Variants in GAREM2 observed in about 807,000 individuals in gnomAD.
GAREM2 encodes GRB2-associated and regulator of MAPK protein 2.
Under a neutral mutation model 55.6 loss-of-function variants are expected in GAREM2, and 30 were observed. That is an observed-to-expected ratio of 0.54 (90% CI 0.40 to 0.73). The LOEUF is 0.73. Ranked by LOEUF, GAREM2 falls within the 30% of genes least tolerant of loss-of-function variation. GAREM2 has a pLI of 0.00. For missense variants in GAREM2, 1,075 were observed against 1,257.7 expected, an observed-to-expected ratio of 0.85 and a Z score of 2.20; for synonymous variants, 550 against 569.1, an observed-to-expected ratio of 0.97 and a Z score of 0.48.
At chr2:26,174,209 A>G (rs1668788375) in intron 1 of GAREM2, among the ~76,000 whole-genome samples, 1 of 152,170 alleles carries the variant, frequency 6.6e-6, no homozygotes, top group Non-Finnish European at 1.5e-5. Flanking sequence ...GGGGCCCGGC[A>G]GCCCCTCCTC....
chr2:26,203,943 A>G, the GAREM2 span: 1 of 1,008,858 alleles, frequency 9.9e-7, no homozygotes, highest in South Asian at 1.3e-5. Context: ...TGTTCAGGAA[A>G]AAGGAATCCG....
rs750630201 is a variant in GAREM2 at position 26,183,092 on chromosome 2, G to A, written c.379G>A (p.Val127Ile). 40 of 1,551,644 alleles carry A rather than the reference G, an allele frequency of 2.6e-5. No individual in the cohort carries two copies. The East Asian group carries it at 2.7e-4, about 10-fold the overall frequency. ...IFVMEAITFS[V>I]KVVSGEFSED... Reference sequence around the variant, plus strand: ...CGTGATGGAAGCCATCACCTTCAGCGTCAAGGTCAGTCACTCCCTCACCAG... The same window carrying A: ...CGTGATGGAAGCCATCACCTTCAGCATCAAGGTCAGTCACTCCCTCACCAG... Residue 127 changes from valine to isoleucine, a missense_variant, in exon 3 of 6, where the codon GTC (valine) becomes ATC (isoleucine). Val to Ile is a conservative substitution (Grantham distance 29). Coordinates refer to ENST00000401533, the MANE Select transcript of GAREM2 (RefSeq NM_001168241.2).
chr2:26,194,203 C>CT (rs1669594358), downstream of GAREM2, among the ~76,000 whole-genome samples: 1 of 152,168 alleles, frequency 6.6e-6, no homozygotes, highest in African/African-American at 2.4e-5. Context: ...ACCTCGATGG[C>CT]TACTGGAGAG....
At chr2:26,178,930 G>A (rs895138050) in intron 2 of GAREM2, among the ~76,000 whole-genome samples, 1 of 152,132 alleles carries the variant, frequency 6.6e-6, no homozygotes, top group Non-Finnish European at 1.5e-5. Flanking sequence ...GAGGGCGAAG[G>A]CCGGCGGGTT....
chr2:26,194,616 G>A (rs769325046), downstream of GAREM2: 5 of 1,611,482 alleles, frequency 3.1e-6, no homozygotes, highest in East Asian at 1.1e-4. Flanking sequence ...AAGACACCTG[G>A]TAGTATAGAA....
downstream of GAREM2, chr2:26,190,866 A>AGAT: frequency 3.2e-6 from 1 of 316,556 alleles, no homozygotes; most frequent in Non-Finnish European, 6.0e-6. Context: ...AGAAGGGCAA[A>AGAT]GATGCTGACA....
chr2:26,194,383 GC>G (rs1223558399), downstream of GAREM2, among the ~76,000 whole-genome samples: 5 of 152,150 alleles, frequency 3.3e-5, no homozygotes, highest in Non-Finnish European at 5.9e-5. Flanking sequence ...GGAAAGCTCT[GC>G]CCCTTTCAGT....
intron 2 of GAREM2, among the ~76,000 whole-genome samples, chr2:26,177,816 A>G (rs561989507): frequency 1.0e-3 from 152 of 152,282 alleles, no homozygotes; most frequent in African/African-American, 3.6e-3. Context: ...TAGTAGAGAC[A>G]GGGTTTCACC....
chr2:26,187,260 C>A lies in GAREM2; in HGVS notation c.1628C>A (p.Pro543Gln). ...GGTTCCCGCAGTGGCAGTGGCTCCC[C>A]ATCGCCGGACACCTACTCCCTCTAT... ...GAGSRSGSGSPSPDTYSLYCY... is the reference protein window; with the variant it reads ...GAGSRSGSGSQSPDTYSLYCY... Residue 543 changes from proline (P) to glutamine (Q), a missense_variant, in exon 6 of 6, where the codon CCA becomes CAA. Transcript: ENST00000401533. 8 of 1,454,278 alleles carry A rather than the reference C, an allele frequency of 5.5e-6. No homozygotes were observed. Among genetic ancestry groups the A allele is most frequent in the Non-Finnish European group, 7.3e-6 (8 of 1,097,828 alleles). 90.1% of individuals were successfully genotyped at this position (1,454,278 alleles called of 1,614,324 possible).
Position 26,187,321 on chromosome 2 carries a change from C to T in GAREM2, c.1689C>T (p.Gly563=), listed in dbSNP as rs906932697. The change falls in exon 6 of 6, where the codon GGC becomes GGT. Residue 563 remains glycine, a synonymous_variant. Transcript: ENST00000401533. ...YPCTWGDCKV[G]ESSSRPAPGP... ...GCACCTGGGGAGACTGCAAGGTGGG[C>T]GAGTCCTCTAGCCGCCCAGCCCCCG... The T allele has an allele frequency of 9.1e-6, 14 of 1,531,270 alleles. No individual in the cohort carries two copies. In the East Asian group the frequency reaches 2.0e-4, roughly 22 times the overall value. The allele number at this position is 1,531,270 out of a possible 1,614,324, so 94.9% of individuals were successfully genotyped here. A position where few individuals can be genotyped will look rare whatever the true frequency, so the allele number is the denominator to read the frequency against.
rs1165129480 is a variant in GAREM2, at chr2:26,188,529, G to C, written c.*272G>C. 1 of 353,136 alleles carries C rather than the reference G, an allele frequency of 2.8e-6. No individual in the cohort carries two copies. The highest frequency in any genetic ancestry group is 5.1e-6 in the Non-Finnish European group (1 of 197,232). 21.9% of individuals were successfully genotyped at this position (353,136 alleles called of 1,614,324 possible). On this transcript the variant is annotated 3_prime_UTR_variant, in exon 6 of 6. Transcript: ENST00000401533. Reference sequence around the variant, plus strand: ...CTGGGCCCAGTAAGGCATTTGCCGTGATTCCCACAACGGGGTCAAAAGCTG... The same window carrying C: ...CTGGGCCCAGTAAGGCATTTGCCGTCATTCCCACAACGGGGTCAAAAGCTG...
the GAREM2 span, chr2:26,197,884 A>G: frequency 4.0e-6 from 3 of 746,414 alleles, no homozygotes; most frequent in African/African-American, 1.7e-5. Flanking sequence ...TCTGTCCCCC[A>G]CAACTGCTCA....
chr2:26,176,350 A>C lies in GAREM2; in HGVS notation c.119A>C (p.Tyr40Ser), dbSNP rs1347047713. The C allele has an allele frequency of 6.5e-7, 1 of 1,540,586 alleles. No individual in the cohort carries two copies. The highest frequency in any genetic ancestry group is 8.8e-7 in the Non-Finnish European group (1 of 1,140,774). The change falls in exon 2 of 6, where the codon TAC (tyrosine) becomes TCC (serine). Residue 40 changes from tyrosine (Y) to serine (S), a missense_variant. Transcript: ENST00000401533. ...TCCTCCTCCCCCTTCCCAGGGGAGT[A>C]CGCCGAGGGCGTCAGTGAGCGAGAC... Reference protein sequence around the residue: ...PTLACLGPGEYAEGVSERDIL... With the variant: ...PTLACLGPGESAEGVSERDIL...
At chr2:26,195,405 T>C in the GAREM2 span, among the ~76,000 whole-genome samples, 1 of 152,030 alleles carries the variant, frequency 6.6e-6, no homozygotes, top group African/African-American at 2.4e-5. Flanking sequence ...TTAGTATGTT[T>C]AGGGAGAGCA....
chr2:26,197,815 C>T, the GAREM2 span: 1 of 1,025,180 alleles, frequency 9.8e-7, no homozygotes, highest in Non-Finnish European at 1.6e-6. Context: ...GTCAGGTAGG[C>T]CTGGGAGATG....
the GAREM2 span, among the ~76,000 whole-genome samples, chr2:26,200,636 G>A: frequency 3.3e-3 from 496 of 152,260 alleles, 4 homozygotes; most frequent in Middle Eastern, 0.041. Flanking sequence ...TAAGGTGAAC[G>A]CACCCTCATT....
At chr2:26,175,111 C>T (rs115721164) in intron 1 of GAREM2, among the ~76,000 whole-genome samples, 4,894 of 152,232 alleles carry the variant, frequency 0.032, 112 homozygotes, top group Middle Eastern at 0.078. Flanking sequence ...ACACGCCTAC[C>T]CCACATGTAC....
Position 26,184,595 on chromosome 2 carries a change from G to C in GAREM2, c.747G>C (p.Glu249Asp). ...TRSPLELQMQEGEHTVRAIIE... is the reference protein window; with the variant it reads ...TRSPLELQMQDGEHTVRAIIE... ...GCCCGCTGGAGCTGCAGATGCAAGA[G>C]GGCGAGCACACGGTGCGCGCCATCA... The change falls in exon 4 of 6, where the codon GAG becomes GAC. Residue 249 changes from glutamate to aspartate, a missense_variant. Transcript: ENST00000401533. The C allele has an allele frequency of 6.5e-7, 1 of 1,548,536 alleles. No individual in the cohort carries two copies. The highest frequency in any genetic ancestry group is 8.7e-7 in the Non-Finnish European group (1 of 1,146,202).
the GAREM2 span, among the ~76,000 whole-genome samples, chr2:26,200,417 A>ATG: frequency 6.6e-6 from 1 of 152,180 alleles, no homozygotes; most frequent in African/African-American, 2.4e-5. Context: ...GCCCATCTCA[A>ATG]GAAGTGCCTA....
Sources: gnomAD v4.1 joint callset for allele counts (sites outside exome capture counted in the v4.1 genomes callset) on GRCh38, gnomAD v4.1.1 for gene constraint, MANE v1.5 for transcripts, NCBI Gene and HGNC (gene_info 2026-07-23, HGNC 2026-07-21) for gene names.